Variants in HMCN1 observed in about 807,000 individuals in gnomAD.
HMCN1 encodes hemicentin 1.
HMCN1 carries 321 observed loss-of-function variants against 625.9 expected under a neutral mutation model. The ratio of observed to expected loss-of-function variants is 0.51; its 90% CI spans 0.47 to 0.56. The LOEUF is 0.56. Among genes scored for constraint, HMCN1 ranks in the 20% least tolerant of loss-of-function variants. The probability of loss-of-function intolerance (pLI) is 0.00; values close to 1 mark genes in which losing one functional copy is unlikely to be tolerated. For missense variants in HMCN1, 6,588 were observed against 6,887.3 expected, an observed-to-expected ratio of 0.96 and a Z score of 1.54; for synonymous variants, 2,425 against 2,417.6, an observed-to-expected ratio of 1.00 and a Z score of -0.09.
chr1:186,031,585 T>A (rs1229288710), intron 36 of HMCN1, among the ~76,000 whole-genome samples: 1 of 152,082 alleles, frequency 6.6e-6, no homozygotes, highest in Non-Finnish European at 1.5e-5. Flanking sequence ...CAGTTATTAC[T>A]TTTTAAGGCA....
rs1442018651 is a variant in HMCN1 at position 185,734,673 on chromosome 1, AAG to A, written c.-104_-103del. ...AACTTTTTGCTAGTTCAGAGATTCC[AAG>A]AGTCTGATGAGTTACTCTGAGAGGA... On this transcript the variant is annotated 5_prime_UTR_variant, in exon 1 of 107. Coordinates refer to ENST00000271588, the MANE Select transcript of HMCN1 (RefSeq NM_031935.3). 1 of 1,126,690 alleles carries A rather than the reference AAG, an allele frequency of 8.9e-7. No individual in the cohort carries two copies. The highest frequency in any genetic ancestry group is 2.3e-5 in the East Asian group (1 of 42,794). 69.8% of individuals were successfully genotyped at this position (1,126,690 alleles called of 1,614,324 possible).
intron 1 of HMCN1, among the ~76,000 whole-genome samples, chr1:185,750,172 CTG>C (rs1654700925): frequency 6.6e-6 from 1 of 152,160 alleles, no homozygotes; most frequent in Non-Finnish European, 1.5e-5. Flanking sequence ...ATTTTCATGA[CTG>C]TATTTGGTAG....
intron 33 of HMCN1, 122 bp downstream of exon 33, chr1:186,017,193 C>A: frequency 2.8e-6 from 2 of 704,624 alleles, no homozygotes; most frequent in Non-Finnish European, 5.3e-6. Flanking sequence ...CTTTATATTC[C>A]TCTTTTAAAA....
intron 97 of HMCN1, among the ~76,000 whole-genome samples, chr1:186,157,893 A>C (rs1651137809): frequency 6.6e-6 from 1 of 152,146 alleles, no homozygotes; most frequent in South Asian, 2.1e-4. Flanking sequence ...TAGTGCTGCA[A>C]TAAACATACG....
At chr1:186,012,497 T>C (rs1654067908) in intron 30 of HMCN1, among the ~76,000 whole-genome samples, 1 of 152,080 alleles carries the variant, frequency 6.6e-6, no homozygotes, top group Non-Finnish European at 1.5e-5. Flanking sequence ...AAGAATACTA[T>C]TGAGGAAAAA....
intron 53 of HMCN1, 119 bp downstream of exon 53, chr1:186,075,010 A>G (rs1658721014): frequency 1.2e-6 from 1 of 855,386 alleles, no homozygotes. Context: ...TAAATTCATG[A>G]TTGAAAATTT....
At chr1:185,806,433 G>A (rs1250157617) in intron 1 of HMCN1, among the ~76,000 whole-genome samples, 2 of 151,488 alleles carry the variant, frequency 1.3e-5, no homozygotes, top group African/African-American at 4.9e-5. Context: ...ATAGTCTTAA[G>A]CTACTCAGGA....
rs545320944 is a variant in HMCN1, at chr1:185,774,871, C to A, written c.268+39824C>A. Among the ~76,000 whole-genome samples, 18 of 152,214 alleles carry A rather than the reference C, an allele frequency of 1.2e-4. 1 individual carries two copies. In the South Asian group the frequency reaches 3.7e-3, roughly 32 times the overall value. ...GGAATTAATAATGGTTAGAATAAAT[C>A]ATTAGCCATCAATTTATCATCTTTC... is the stretch of plus-strand genomic sequence containing the variant. On this transcript the variant is annotated intron_variant, in intron 1 of 106. Transcript: ENST00000271588.
intron 1 of HMCN1, among the ~76,000 whole-genome samples, chr1:185,780,416 G>A (rs1656983167): frequency 6.6e-6 from 1 of 152,148 alleles, no homozygotes; most frequent in Admixed American, 6.6e-5. Flanking sequence ...GGGCATCCCT[G>A]TCTTGTGCCA....
intron 45 of HMCN1, among the ~76,000 whole-genome samples, chr1:186,056,408 C>A (rs1164053942): frequency 1.3e-5 from 2 of 151,848 alleles, no homozygotes; most frequent in East Asian, 1.9e-4. Flanking sequence ...TTTAGGAAAT[C>A]TTTTCCTATA....
intron 11 of HMCN1, among the ~76,000 whole-genome samples, chr1:185,956,754 C>G (rs1649660621): frequency 6.6e-6 from 1 of 152,086 alleles, no homozygotes; most frequent in Admixed American, 6.5e-5. Context: ...GTTGGAAGTT[C>G]CATCCTGCCT....
At chr1:185,780,240 AT>A (rs1380164327) in intron 1 of HMCN1, among the ~76,000 whole-genome samples, 1 of 152,144 alleles carries the variant, frequency 6.6e-6, no homozygotes, top group East Asian at 1.9e-4. Flanking sequence ...GCTTAAGGAG[AT>A]TTTGGGCTGA....
At chr1:185,929,083 A>G (rs184301667) in intron 10 of HMCN1, among the ~76,000 whole-genome samples, 1 of 152,234 alleles carries the variant, frequency 6.6e-6, no homozygotes, top group East Asian at 1.9e-4. Flanking sequence ...ATCATATAGC[A>G]TTTTCCCGTG....
At chr1:185,760,403 A>T (rs759298362) in intron 1 of HMCN1, among the ~76,000 whole-genome samples, 3 of 152,196 alleles carry the variant, frequency 2.0e-5, no homozygotes, top group Non-Finnish European at 2.9e-5. Flanking sequence ...GTGAGTAGAG[A>T]ATATGTCTTA....
At chr1:186,139,576 T>G (rs1649822335) in intron 89 of HMCN1, among the ~76,000 whole-genome samples, 1 of 152,032 alleles carries the variant, frequency 6.6e-6, no homozygotes, top group African/African-American at 2.4e-5. Context: ...ACTGTTGTTT[T>G]GTTCACTATT....
intron 6 of HMCN1, among the ~76,000 whole-genome samples, chr1:185,912,700 C>T (rs1666494933): frequency 6.6e-6 from 1 of 152,056 alleles, no homozygotes; most frequent in Non-Finnish European, 1.5e-5. Flanking sequence ...CTATTAGCAC[C>T]TGAAGGAACA....
chr1:185,783,205 T>A (rs1201215279), intron 1 of HMCN1, among the ~76,000 whole-genome samples: 1 of 152,214 alleles, frequency 6.6e-6, no homozygotes, highest in African/African-American at 2.4e-5. Context: ...ATCAGGTCAT[T>A]TAAGGACTTG....
chr1:186,178,503 GACA>G lies in HMCN1; in HGVS notation c.16035_16037del (p.Gln5345del), dbSNP rs780673178. ...AGCTTCAAGTGTATCTGTCCACCAGGACAACATTTATTAGGGGACGGGAAATCT... is the reference window on the plus strand; with the variant it reads ...AGCTTCAAGTGTATCTGTCCACCAGGACATTTATTAGGGGACGGGAAATCT... On this transcript the variant is annotated inframe_deletion, in exon 104 of 107. Coordinates refer to ENST00000271588, the MANE Select transcript of HMCN1 (RefSeq NM_031935.3). 38 of 1,613,972 alleles carry G rather than the reference GACA, an allele frequency of 2.4e-5. No individual in the cohort carries two copies. The highest frequency in any genetic ancestry group is 2.2e-5 in the East Asian group (1 of 44,884).
rs772458833 is a variant in HMCN1 at position 185,864,558 on chromosome 1, C to T, written c.428C>T (p.Thr143Ile). The change falls in exon 3 of 107, where the codon ACT (threonine) becomes ATT (isoleucine). Residue 143 changes from threonine (T) to isoleucine (I), a missense_variant. By Grantham distance (89) the Thr-to-Ile change is moderately conservative. Coordinates refer to ENST00000271588, the MANE Select transcript of HMCN1 (RefSeq NM_031935.3). ...CCTGGTTCTTTCATCTATGTTTTCA[C>T]TGATGCTCGGTCCAAAGATTACCGG... ...SLPGSFIYVF[T>I]DARSKDYRLT... 2 of 1,613,910 alleles carry T rather than the reference C, an allele frequency of 1.2e-6. No homozygotes were observed. Among genetic ancestry groups the T allele is most frequent in the African/African-American group, 2.7e-5 (2 of 74,888 alleles).
Sources: gnomAD v4.1 joint callset for allele counts (sites outside exome capture counted in the v4.1 genomes callset) on GRCh38, gnomAD v4.1.1 for gene constraint, MANE v1.5 for transcripts, NCBI Gene and HGNC (gene_info 2026-07-23, HGNC 2026-07-21) for gene names.